Variants in TRPC4 observed in about 807,000 individuals in gnomAD.
TRPC4 encodes short transient receptor potential channel 4.
In TRPC4, 49 loss-of-function variants were observed where a neutral mutation model predicts 99.4. That is an observed-to-expected ratio of 0.49 (90% CI 0.39 to 0.63). The LOEUF is 0.63. TRPC4 is among the 20% of genes least tolerant of loss of function. The pLI, the probability that TRPC4 is intolerant of heterozygous loss-of-function variation, is 0.00. For missense variants in TRPC4, 898 were observed against 1,152.9 expected, an observed-to-expected ratio of 0.78 and a Z score of 3.20; for synonymous variants, 454 against 425.9, an observed-to-expected ratio of 1.07 and a Z score of -0.81.
At chr13:37,723,326 A>C (rs916434669) in intron 3 of TRPC4, among the ~76,000 whole-genome samples, 1 of 152,212 alleles carries the variant, frequency 6.6e-6, no homozygotes, top group Non-Finnish European at 1.5e-5. Context: ...TCTACAAAAC[A>C]ATGAGAATAA....
At chr13:37,767,679 A>G (rs1269591752) in intron 2 of TRPC4, among the ~76,000 whole-genome samples, 1 of 151,308 alleles carries the variant, frequency 6.6e-6, no homozygotes, top group Non-Finnish European at 1.5e-5. Flanking sequence ...ACCTTAACTA[A>G]AGCCTGTAAG....
chr13:37,814,855 G>A (rs1420895267), intron 1 of TRPC4, among the ~76,000 whole-genome samples: 1 of 151,658 alleles, frequency 6.6e-6, no homozygotes, highest in Non-Finnish European at 1.5e-5. Context: ...GTTAATCCAA[G>A]GGAACCAGAC....
chr13:37,812,316 A>T lies in TRPC4; in HGVS notation c.-27-28956T>A, dbSNP rs1172251173. Among the ~76,000 whole-genome samples, 8 of 151,850 alleles carry T rather than the reference A, an allele frequency of 5.3e-5. No individual in the cohort carries two copies. In the East Asian group the frequency reaches 1.3e-3, roughly 26 times the overall value. On this transcript the variant is annotated intron_variant, in intron 1 of 10. Transcript: ENST00000379705. Reference sequence around the variant, plus strand: ...GTAAAATTTATAGTATCTATCATCTAATCAAAGACTATCAAGCATATAAGT... The same window carrying T: ...GTAAAATTTATAGTATCTATCATCTTATCAAAGACTATCAAGCATATAAGT...
At chr13:37,688,978 G>A (rs916627529) in intron 4 of TRPC4, among the ~76,000 whole-genome samples, 4 of 152,170 alleles carry the variant, frequency 2.6e-5, no homozygotes, top group Non-Finnish European at 5.9e-5. Context: ...CAAGAGAATA[G>A]AGGATTCATT....
At chr13:37,749,790 C>A (rs1298502408) in intron 2 of TRPC4, among the ~76,000 whole-genome samples, 1 of 152,064 alleles carries the variant, frequency 6.6e-6, no homozygotes, top group African/African-American at 2.4e-5. Context: ...TGAATTCTTT[C>A]TTTTATTTAA....
intron 1 of TRPC4, among the ~76,000 whole-genome samples, chr13:37,842,845 A>C (rs1255384752): frequency 1.3e-5 from 2 of 152,230 alleles, no homozygotes; most frequent in Non-Finnish European, 2.9e-5. Flanking sequence ...ATAAATAAGG[A>C]TGAGAAATGG....
intron 1 of TRPC4, among the ~76,000 whole-genome samples, chr13:37,854,642 C>T (rs1463454732): frequency 1.3e-5 from 2 of 151,924 alleles, no homozygotes; most frequent in Non-Finnish European, 2.9e-5. Context: ...ATTAATTTTC[C>T]TTTTGTGTGT....
chr13:37,763,629 C>T (rs943889816), intron 2 of TRPC4, among the ~76,000 whole-genome samples: 2 of 151,512 alleles, frequency 1.3e-5, no homozygotes, highest in African/African-American at 4.8e-5. Flanking sequence ...CACCTGAGTA[C>T]AAGCATACAA....
At chr13:37,849,289 T>C (rs760806943) in intron 1 of TRPC4, among the ~76,000 whole-genome samples, 11 of 152,156 alleles carry the variant, frequency 7.2e-5, no homozygotes, top group Non-Finnish European at 1.5e-4. Context: ...CAATAATAAG[T>C]TATTGATACA....
intron 1 of TRPC4, among the ~76,000 whole-genome samples, chr13:37,805,872 G>T (rs755666615): frequency 2.6e-5 from 4 of 151,842 alleles, no homozygotes; most frequent in African/African-American, 9.7e-5. Context: ...GTCTTTACTT[G>T]TGAAAAATTC....
At chr13:37,801,963 T>C (rs1420897400) in intron 1 of TRPC4, among the ~76,000 whole-genome samples, 17 of 152,008 alleles carry the variant, frequency 1.1e-4, no homozygotes, top group Admixed American at 1.1e-3. Flanking sequence ...TAGAGGGAAG[T>C]TCTAGACTTA....
intron 1 of TRPC4, among the ~76,000 whole-genome samples, chr13:37,853,292 T>C (rs1555284755): frequency 1.3e-5 from 2 of 152,154 alleles, no homozygotes; most frequent in Non-Finnish European, 2.9e-5. Flanking sequence ...GAAAGTGAGG[T>C]AAATGAATAA....
intron 1 of TRPC4, among the ~76,000 whole-genome samples, chr13:37,866,627 T>A: frequency 6.6e-6 from 1 of 151,774 alleles, no homozygotes; most frequent in Non-Finnish European, 1.5e-5. Flanking sequence ...TAGGTCTATA[T>A]TTGTGCTGAT....
intron 6 of TRPC4, among the ~76,000 whole-genome samples, chr13:37,658,245 A>G (rs192471742): frequency 4.6e-5 from 7 of 152,352 alleles, no homozygotes; most frequent in Non-Finnish European, 7.3e-5. Context: ...AGTGACATTT[A>G]GTATAAAACT....
In TRPC4 at chr13:37,635,852, T is replaced by C. The variant is rs1951500350; in HGVS notation, c.*1051A>G. 6.6e-6 allele frequency among the ~76,000 whole-genome samples: 1 copy of C among 152,092 alleles called. No individual in the cohort carries two copies. ...TATATATCTATATCTGCTGATAAAA[T>C]TAATAATGATTTTTGAGTGATTTAA... On this transcript the variant is annotated 3_prime_UTR_variant, in exon 11 of 11. Transcript: ENST00000379705.
chr13:37,764,789 G>T (rs1956316078), intron 2 of TRPC4, among the ~76,000 whole-genome samples: 2 of 139,684 alleles, frequency 1.4e-5, no homozygotes, highest in Admixed American at 7.3e-5. Context: ...CCCTATCATT[G>T]ATAGATATAA....
intron 6 of TRPC4, among the ~76,000 whole-genome samples, chr13:37,662,467 C>T (rs1952479951): frequency 6.6e-6 from 1 of 151,946 alleles, no homozygotes; most frequent in African/African-American, 2.4e-5. Flanking sequence ...TAAGATAAAA[C>T]AGATGTAGAA....
chr13:37,700,082 G>A (rs1954056281), intron 3 of TRPC4, among the ~76,000 whole-genome samples: 1 of 152,186 alleles, frequency 6.6e-6, no homozygotes, highest in Non-Finnish European at 1.5e-5. Flanking sequence ...AAGGGTAGCA[G>A]TTGGTACAAA....
Position 37,841,485 on chromosome 13 carries a change from G to A in TRPC4, c.-28+28110C>T, listed in dbSNP as rs534602118. 1.9e-4 allele frequency among the ~76,000 whole-genome samples: 28 copies of A among 149,888 alleles called. No individual in the cohort carries two copies. The East Asian group carries it at 3.3e-3, about 18-fold the overall frequency. On this transcript the variant is annotated intron_variant, in intron 1 of 10. Transcript: ENST00000379705. ...TGACAAGCTACAGACTTGAAAACAT[G>A]TACAAATCCCATATCTAATAAATAG...
Sources: gnomAD v4.1 joint callset for allele counts (sites outside exome capture counted in the v4.1 genomes callset) on GRCh38, gnomAD v4.1.1 for gene constraint, MANE v1.5 for transcripts, NCBI Gene and HGNC (gene_info 2026-07-23, HGNC 2026-07-21) for gene names.